The following CCNJL variants were observed in gnomAD, a reference collection of about 807,000 sequenced individuals.
The protein encoded by CCNJL is cyclin J like.
A neutral mutation model predicts 33.4 loss-of-function variants in CCNJL; 33 were observed. The observed-to-expected ratio is 0.99, with a 90% CI of 0.75 to 1.32. The LOEUF is 1.32. Ranked by LOEUF, CCNJL falls within the 40% of genes most tolerant of loss-of-function variation. The pLI is 0.00. For missense variants in CCNJL, 512 were observed against 499.7 expected, an observed-to-expected ratio of 1.02 and a Z score of -0.23; for synonymous variants, 227 against 220.9, an observed-to-expected ratio of 1.03 and a Z score of -0.24.
intron 1 of CCNJL, among the ~76,000 whole-genome samples, chr5:160,317,960 G>A (rs964085810): frequency 1.3e-5 from 2 of 151,932 alleles, no homozygotes; most frequent in Admixed American, 6.6e-5. Context: ...GACCCTGCCT[G>A]TGTCTTCACA....
intron 1 of CCNJL, among the ~76,000 whole-genome samples, chr5:160,318,756 A>G (rs1763406238): frequency 3.3e-5 from 5 of 152,242 alleles, no homozygotes; most frequent in Admixed American, 2.0e-4. Context: ...TGTTTTCACC[A>G]TTACGGAAAG....
intron 3 of CCNJL, among the ~76,000 whole-genome samples, chr5:160,279,344 C>G (rs1040389933): frequency 6.6e-6 from 1 of 152,204 alleles, no homozygotes; most frequent in Non-Finnish European, 1.5e-5. Context: ...TTGTACCTGG[C>G]CACTTTGAGC....
chr5:160,328,715 CA>C (rs535753887), intron 1 of CCNJL, among the ~76,000 whole-genome samples: 2,273 of 127,470 alleles, frequency 0.018, 45 homozygotes, highest in African/African-American at 0.049. Flanking sequence ...ATTAAAAATA[CA>C]AAAAAAAAAA....
rs74690919 is a variant in CCNJL, at chr5:160,270,443, C to T, written c.280+10082G>A. On this transcript the variant is annotated intron_variant, in intron 3 of 5. Transcript: ENST00000257536. The stretch of plus-strand genomic sequence containing the variant: ...TGGGTGACAGAGCAAAATGGTGTCT[C>T]GAAAAAAAAAAAAATTAGCAGGGCC... Among the ~76,000 whole-genome samples, 6 of 147,122 alleles carry T rather than the reference C, an allele frequency of 4.1e-5. No individual in the cohort carries two copies. The South Asian group carries it at 1.2e-3, about 29-fold the overall frequency.
chr5:160,257,183 T>C (rs1346881187), intron 4 of CCNJL, among the ~76,000 whole-genome samples: 2 of 151,436 alleles, frequency 1.3e-5, no homozygotes, highest in African/African-American at 4.9e-5. Flanking sequence ...TCTAAAAAAA[T>C]TTAAAAAATT....
chr5:160,286,300 G>A (rs1470487808), intron 2 of CCNJL, among the ~76,000 whole-genome samples: 6 of 152,280 alleles, frequency 3.9e-5, no homozygotes, highest in Admixed American at 2.0e-4. Flanking sequence ...TGGGAGAAGC[G>A]TCCTTTGCCT....
At chr5:160,320,788 C>CCTTTCTTTCTTTCTTT (rs70990723) in intron 1 of CCNJL, among the ~76,000 whole-genome samples, 2 of 116,224 alleles carry the variant, frequency 1.7e-5, no homozygotes, top group Non-Finnish European at 1.7e-5. Flanking sequence ...TTCTTTCTTT[C>CCTTTCTTTCTTTCTTT]CTTTCTTTCT....
intron 2 of CCNJL, among the ~76,000 whole-genome samples, chr5:160,284,633 C>G (rs1762347699): frequency 1.3e-5 from 2 of 152,244 alleles, no homozygotes; most frequent in South Asian, 4.1e-4. Context: ...GTTGAGATTT[C>G]ACACTGATTA....
chr5:160,298,533 TA>T (rs1056039757), intron 2 of CCNJL, among the ~76,000 whole-genome samples: 2 of 152,150 alleles, frequency 1.3e-5, no homozygotes, highest in Admixed American at 6.5e-5. Flanking sequence ...CCCCTGGGCC[TA>T]CAGTCTGGGG....
intron 2 of CCNJL, among the ~76,000 whole-genome samples, chr5:160,282,984 T>TATATATATATATATATATATATAC (rs1762277289): frequency 3.4e-5 from 2 of 58,102 alleles, no homozygotes; most frequent in Non-Finnish European, 6.3e-5. Context: ...TATATATATA[T>TATATATATATATATATATATATAC]ATATATATAT....
intron 2 of CCNJL, among the ~76,000 whole-genome samples, chr5:160,292,478 G>A (rs757443840): frequency 6.6e-6 from 1 of 151,916 alleles, no homozygotes; most frequent in African/African-American, 2.4e-5. Context: ...AAAATTAGCC[G>A]GGCATGGTGG....
chr5:160,291,174 C>T (rs1360729767), intron 2 of CCNJL, among the ~76,000 whole-genome samples: 1 of 151,894 alleles, frequency 6.6e-6, no homozygotes, highest in East Asian at 1.9e-4. Flanking sequence ...CCTCAGTCTA[C>T]CCAAGAGCAA....
chr5:160,288,399 C>G (rs1762476595), intron 2 of CCNJL, among the ~76,000 whole-genome samples: 1 of 152,180 alleles, frequency 6.6e-6, no homozygotes, highest in South Asian at 2.1e-4. Context: ...TTCCTAGCAA[C>G]CCCACATCAT....
At chr5:160,320,861 C>CTCTCTTTCTTTCTT in intron 1 of CCNJL, among the ~76,000 whole-genome samples, 1 of 125,338 alleles carries the variant, frequency 8.0e-6, no homozygotes, top group African/African-American at 3.1e-5. Flanking sequence ...TTCTTTCTTT[C>CTCTCTTTCTTTCTT]TTTCTTTCTC....
At chr5:160,337,755 T>C (rs987125272) in intron 1 of CCNJL, among the ~76,000 whole-genome samples, 2 of 152,198 alleles carry the variant, frequency 1.3e-5, no homozygotes, top group African/African-American at 4.8e-5. Flanking sequence ...CGTGTTCTTC[T>C]TAATATTTAG....
At chr5:160,273,924 C>T (rs1761924149) in intron 3 of CCNJL, among the ~76,000 whole-genome samples, 2 of 151,660 alleles carry the variant, frequency 1.3e-5, no homozygotes, top group South Asian at 2.1e-4. Flanking sequence ...GCTGGGATTA[C>T]AGGCGTGAGC....
chr5:160,256,624 G>A (rs1761073796), intron 4 of CCNJL, among the ~76,000 whole-genome samples: 1 of 152,080 alleles, frequency 6.6e-6, no homozygotes, highest in Non-Finnish European at 1.5e-5. Flanking sequence ...GTCTTAAATT[G>A]TTCATGATTT....
In CCNJL at chr5:160,275,730, G is replaced by A. The variant is rs1580973205; in HGVS notation, c.280+4795C>T. 2.0e-5 allele frequency among the ~76,000 whole-genome samples: 3 copies of A among 152,184 alleles called. No homozygotes were observed. In the East Asian group the frequency reaches 5.8e-4, roughly 29 times the overall value. ...AATAAGGTCTTACAGTTAAGGCCTAGCTACCCTAGCAAAAGGTCACCTCTT... is the reference window on the plus strand; with the variant it reads ...AATAAGGTCTTACAGTTAAGGCCTAACTACCCTAGCAAAAGGTCACCTCTT... On this transcript the variant is annotated intron_variant, in intron 3 of 5. Coordinates refer to ENST00000257536, the MANE Select transcript of CCNJL (RefSeq NM_001308173.3).
chr5:160,268,794 C>A (rs1761712821), intron 3 of CCNJL, among the ~76,000 whole-genome samples: 1 of 152,196 alleles, frequency 6.6e-6, no homozygotes, highest in African/African-American at 2.4e-5. Flanking sequence ...CCAGCCATTC[C>A]TGGGCTTCCA....
Sources: gnomAD v4.1 joint callset for allele counts (sites outside exome capture counted in the v4.1 genomes callset) on GRCh38, gnomAD v4.1.1 for gene constraint, MANE v1.5 for transcripts, NCBI Gene and HGNC (gene_info 2026-07-23, HGNC 2026-07-21) for gene names.